Variants in PATL1 observed in about 807,000 individuals in gnomAD.
PATL1 encodes protein PAT1 homolog 1.
Under a neutral mutation model 100.6 loss-of-function variants are expected in PATL1, and 32 were observed. That is an observed-to-expected ratio of 0.32 (90% CI 0.24 to 0.43). PATL1 has a LOEUF of 0.43. Among genes scored for constraint, PATL1 ranks in the 20% least tolerant of loss-of-function variants. The pLI is 1.00. For synonymous variants in PATL1, 332 were observed against 330.0 expected (o/e 1.01, Z -0.07); for missense variants, 747 against 949.9 (o/e 0.79, Z 2.81).
At chr11:59,652,085 A>AAAAAAAAAAAAAAAAAAAAC (rs1861455308) in intron 11 of PATL1, among the ~76,000 whole-genome samples, 1 of 145,348 alleles carries the variant, frequency 6.9e-6, no homozygotes, top group African/African-American at 2.5e-5. Flanking sequence ...AAAAAAAAAA[A>AAAAAAAAAAAAAAAAAAAAC]AAAAAAAGAC....
At chr11:59,641,661 G>T (rs1861282407) in intron 16 of PATL1, among the ~76,000 whole-genome samples, 1 of 151,878 alleles carries the variant, frequency 6.6e-6, no homozygotes, top group African/African-American at 2.4e-5. Context: ...GCTGAGGTGG[G>T]AGGATGGCTT....
At chr11:59,641,509 T>C (rs913152463) in intron 16 of PATL1, among the ~76,000 whole-genome samples, 2 of 152,018 alleles carry the variant, frequency 1.3e-5, no homozygotes, top group Non-Finnish European at 2.9e-5. Flanking sequence ...TCCCAACACT[T>C]TGGGAGGTCG....
chr11:59,659,219 G>A, intron 3 of PATL1, 33 bp downstream of exon 3: 1 of 1,531,412 alleles, frequency 6.5e-7, no homozygotes, highest in Non-Finnish European at 8.9e-7. Flanking sequence ...TTTTTAGTCT[G>A]CTATAGTTCT....
chr11:59,659,196 T>C (rs1163787084), intron 3 of PATL1, 56 bp downstream of exon 3: 1 of 1,444,796 alleles, frequency 6.9e-7, no homozygotes, highest in Non-Finnish European at 9.5e-7. Context: ...CAAAGTTCAA[T>C]ACTTCACTTT....
chr11:59,666,259 TA>T (rs1861689169), intron 2 of PATL1, among the ~76,000 whole-genome samples: 1 of 151,998 alleles, frequency 6.6e-6, no homozygotes, highest in Non-Finnish European at 1.5e-5. Flanking sequence ...AAAGAATAAA[TA>T]AATAAATAAA....
At chr11:59,668,677 T>A (rs1468952706) in intron 1 of PATL1, among the ~76,000 whole-genome samples, 1 of 151,876 alleles carries the variant, frequency 6.6e-6, no homozygotes, top group Non-Finnish European at 1.5e-5. Context: ...CAGCGGCAAC[T>A]AATGGGACTG....
chr11:59,638,635 C>A (rs1861227102), intron 18 of PATL1, among the ~76,000 whole-genome samples: 1 of 152,070 alleles, frequency 6.6e-6, no homozygotes, highest in African/African-American at 2.4e-5. Context: ...TCAATCTCTT[C>A]CACCAAATTC....
At chr11:59,657,407 A>AT (rs1421825724) in intron 5 of PATL1, 123 bp downstream of exon 5, 10 of 903,414 alleles carry the variant, frequency 1.1e-5, no homozygotes, top group Non-Finnish European at 1.6e-5. Context: ...CTAACTAGCT[A>AT]TTTTTCTTTC....
At chr11:59,668,757 A>G (rs1479830349) in intron 1 of PATL1, 124 bp downstream of exon 1, 1 of 527,350 alleles carries the variant, frequency 1.9e-6, no homozygotes, top group Non-Finnish European at 3.5e-6. Context: ...GCGTCCAGCT[A>G]AGTCCTGCGA....
At chr11:59,651,498 G>A (rs984110466) in intron 12 of PATL1, 46 bp downstream of exon 12, 2 of 1,459,766 alleles carry the variant, frequency 1.4e-6, no homozygotes, top group Non-Finnish European at 1.9e-6. Context: ...AAAAGAAGTG[G>A]TCACAAATCA....
At chr11:59,648,187 T>C (rs980270961) in intron 14 of PATL1, among the ~76,000 whole-genome samples, 2 of 145,538 alleles carry the variant, frequency 1.4e-5, no homozygotes, top group Non-Finnish European at 3.0e-5. Flanking sequence ...CTTTTTTTCT[T>C]TTTTTTTTTT....
At chr11:59,663,619 A>G (rs974522549) in intron 2 of PATL1, among the ~76,000 whole-genome samples, 2 of 152,222 alleles carry the variant, frequency 1.3e-5, no homozygotes, top group Non-Finnish European at 2.9e-5. Flanking sequence ...TGCCTAGCAC[A>G]TAATAAGCAC....
intron 2 of PATL1, 35 bp from the exon 3 acceptor site, chr11:59,659,504 C>T: frequency 1.3e-6 from 2 of 1,495,980 alleles, no homozygotes; most frequent in Non-Finnish European, 9.0e-7. Context: ...AGAAATAGTT[C>T]ATAGTGGTAC....
At chr11:59,639,015 G>C (rs1861233990) in intron 18 of PATL1, 33 bp downstream of exon 18, 9 of 1,604,866 alleles carry the variant, frequency 5.6e-6, no homozygotes, top group Non-Finnish European at 7.7e-6. Context: ...CCCAACTTTA[G>C]TGAGATGTGA....
chr11:59,639,048 T>G lies in PATL1; in HGVS notation c.2291A>C (p.Gln764Pro), dbSNP rs1488768350. The G allele has an allele frequency of 6.2e-7, 1 of 1,612,924 alleles. No homozygotes were observed. The highest frequency in any genetic ancestry group is 8.5e-7 in the Non-Finnish European group (1 of 1,179,490). Residue 764 changes from glutamine (Q) to proline (P), a missense_variant and splice_region_variant, in exon 18 of 19, where the codon CAG becomes CCG. By Grantham distance (76) the Gln-to-Pro change is moderately conservative. This residue lies in a region of PATL1 where 434 missense variants were observed against 596.1 expected (regional missense o/e 0.73). Coordinates refer to ENST00000300146, the MANE Select transcript of PATL1 (RefSeq NM_152716.3). ...TGAAACTCTCCTGTTTCAAACTTAC[T>G]GCAGTTTTGTCTCCAGCAAGTTCAG... ...QKLNLLETKL[Q>P]LVQGIR
chr11:59,667,770 C>G (rs900866257), intron 1 of PATL1, among the ~76,000 whole-genome samples: 1 of 152,240 alleles, frequency 6.6e-6, no homozygotes, highest in Non-Finnish European at 1.5e-5. Context: ...TAGAGGCCAC[C>G]ACATCCTAGG....
chr11:59,645,484 T>G (rs1477716826), intron 15 of PATL1, among the ~76,000 whole-genome samples: 1 of 151,130 alleles, frequency 6.6e-6, no homozygotes, highest in African/African-American at 2.4e-5. Context: ...TATTTTCTAA[T>G]TTTATCATTT....
intron 2 of PATL1, among the ~76,000 whole-genome samples, chr11:59,663,985 G>A (rs750802828): frequency 8.5e-5 from 13 of 152,148 alleles, no homozygotes; most frequent in Non-Finnish European, 1.2e-4. Context: ...AAGCTGTTAT[G>A]AGGAATTAAG....
Position 59,652,607 on chromosome 11 carries a change from T to C in PATL1, c.1303-20A>G, listed in dbSNP as rs1348799475. 6.2e-7 allele frequency: 1 copy of C among 1,612,222 alleles called. No homozygotes were observed. The highest frequency in any genetic ancestry group is 8.5e-7 in the Non-Finnish European group (1 of 1,179,362). ...GTAATTCTACCACGAGAAGATGATT[T>C]CAGTTGTAACACAAGCACAGAACAC... On this transcript the variant is annotated intron_variant, in intron 10 of 18. Transcript: ENST00000300146.
Sources: gnomAD v4.1 joint callset for allele counts (sites outside exome capture counted in the v4.1 genomes callset) on GRCh38, gnomAD v4.1.1 for gene constraint, gnomAD v4.1.1 regional missense constraint, MANE v1.5 for transcripts, NCBI Gene and HGNC (gene_info 2026-07-23, HGNC 2026-07-21) for gene names.